Variants in TGFBR1 observed in about 807,000 individuals in gnomAD.
TGFBR1 encodes the protein TGF-beta receptor type-1.
TGFBR1 carries 20 observed loss-of-function variants against 55.1 expected under a neutral mutation model. The observed-to-expected ratio is 0.36, with a 90% CI of 0.26 to 0.53. The LOEUF is 0.53. TGFBR1 is among the 20% of genes least tolerant of loss of function. TGFBR1 has a pLI of 0.91. For missense variants in TGFBR1, 385 were observed against 617.6 expected (o/e 0.62, Z 3.99); for synonymous variants, 220 against 214.8 (o/e 1.02, Z -0.21).
intron 3 of TGFBR1, among the ~76,000 whole-genome samples, chr9:99,134,688 A>C (rs1048655605): frequency 1.5e-4 from 22 of 151,156 alleles, no homozygotes; most frequent in African/African-American, 5.4e-4. Flanking sequence ...GAATAAGCCC[A>C]CCTAACTGAT....
intron 1 of TGFBR1, chr9:99,127,849 T>G (rs1293417347): frequency 4.5e-6 from 2 of 442,856 alleles, no homozygotes; most frequent in Non-Finnish European, 9.1e-6. Flanking sequence ...TATGCACACA[T>G]TCTATCATTG....
chr9:99,114,318 TTAGC>T (rs1302676927), intron 1 of TGFBR1, among the ~76,000 whole-genome samples: 2 of 152,298 alleles, frequency 1.3e-5, no homozygotes, highest in African/African-American at 4.8e-5. Context: ...AACACAATAC[TTAGC>T]TCTGAGTTTT....
intron 1 of TGFBR1, among the ~76,000 whole-genome samples, chr9:99,118,399 G>A (rs1564135779): frequency 6.6e-6 from 1 of 152,112 alleles, no homozygotes; most frequent in East Asian, 1.9e-4. Flanking sequence ...GTGATTTCAA[G>A]GGAAAATGAC....
intron 1 of TGFBR1, among the ~76,000 whole-genome samples, chr9:99,125,605 C>T (rs920411866): frequency 3.3e-5 from 5 of 152,052 alleles, no homozygotes. Context: ...ATTTTTTACT[C>T]TTTCTTTTAC....
chr9:99,139,921 A>G (rs1827558149), intron 4 of TGFBR1, among the ~76,000 whole-genome samples: 1 of 152,140 alleles, frequency 6.6e-6, no homozygotes. Context: ...TTGCATTTCC[A>G]TAGTGTCTCT....
At chr9:99,146,199 A>T (rs1157547622) in intron 6 of TGFBR1, among the ~76,000 whole-genome samples, 2 of 152,170 alleles carry the variant, frequency 1.3e-5, no homozygotes, top group Non-Finnish European at 2.9e-5. Flanking sequence ...TAGGTGGTGT[A>T]CATTAGGACA....
intron 3 of TGFBR1, among the ~76,000 whole-genome samples, chr9:99,133,435 G>A (rs563548269): frequency 3.9e-5 from 6 of 152,168 alleles, no homozygotes; most frequent in Non-Finnish European, 4.4e-5. Flanking sequence ...GCATAGCAGT[G>A]CTTCATGTTT....
At chr9:99,133,172 G>A (rs1827300917) in intron 3 of TGFBR1, among the ~76,000 whole-genome samples, 1 of 152,214 alleles carries the variant, frequency 6.6e-6, no homozygotes, top group South Asian at 2.1e-4. Flanking sequence ...TGACAGAAAT[G>A]TATTCAGAAT....
intron 2 of TGFBR1, among the ~76,000 whole-genome samples, chr9:99,131,599 TAA>T (rs1363582800): frequency 1.3e-5 from 2 of 151,848 alleles, no homozygotes; most frequent in African/African-American, 4.8e-5. Flanking sequence ...TCCAGGAGGT[TAA>T]GATAGTATAA....
rs11466445 is a variant in TGFBR1 at position 99,105,255 on chromosome 9, T to TGGCGGC, written c.73_78dup (p.Ala25_Ala26dup). 166 of 1,043,494 alleles carry TGGCGGC rather than the reference T, an allele frequency of 1.6e-4. No individual in the cohort carries two copies. Among genetic ancestry groups the TGGCGGC allele is most frequent in the South Asian group, 4.9e-4 (11 of 22,672 alleles). 64.6% of individuals were successfully genotyped at this position (1,043,494 alleles called of 1,614,324 possible). A position where few individuals can be genotyped will look rare whatever the true frequency, so the allele number is the denominator to read the frequency against. On this transcript the variant is annotated inframe_insertion, in exon 1 of 9. Transcript: ENST00000374994. Reference sequence around the variant, plus strand: ...CGTCCCCGGCTGCTCCTCCTCGTGCTGGCGGCGGCGGCGGCGGCGGCGGCG... The same window carrying TGGCGGC: ...CGTCCCCGGCTGCTCCTCCTCGTGCTGGCGGCGGCGGCGGCGGCGGCGGCGGCGGCG...
chr9:99,131,285 A>G (rs1284802670), intron 2 of TGFBR1, among the ~76,000 whole-genome samples: 2 of 152,128 alleles, frequency 1.3e-5, no homozygotes, highest in Non-Finnish European at 2.9e-5. Context: ...ATCACCTAAA[A>G]TTCTTGAAAT....
intron 7 of TGFBR1, 124 bp downstream of exon 7, chr9:99,146,733 C>T: frequency 1.4e-6 from 2 of 1,456,880 alleles, no homozygotes; most frequent in Admixed American, 1.7e-5. Context: ...TCACCGAGTG[C>T]CAGAGAAAAC....
rs1011597368 is a variant in TGFBR1 at position 99,151,655 on chromosome 9, G to A, written c.*2350G>A. 1.3e-5 allele frequency: 3 copies of A among 228,128 alleles called. No homozygotes were observed. The highest frequency in any genetic ancestry group is 6.7e-5 in the African/African-American group (3 of 45,052). The allele number at this position is 228,128 out of a possible 1,614,324, so 14.1% of individuals were successfully genotyped here. A position where few individuals can be genotyped will look rare whatever the true frequency, so the allele number is the denominator to read the frequency against. ...CTTTTCTTACCTAAGTGGATAAAAT[G>A]TACTTTTGATGAATCAGGGAATTTT... On this transcript the variant is annotated 3_prime_UTR_variant, in exon 9 of 9. Coordinates refer to ENST00000374994, the MANE Select transcript of TGFBR1 (RefSeq NM_004612.4).
chr9:99,133,082 A>G (rs370150713), intron 3 of TGFBR1, among the ~76,000 whole-genome samples: 8 of 152,372 alleles, frequency 5.3e-5, no homozygotes, highest in South Asian at 2.1e-4. Flanking sequence ...CTGAAGGTCA[A>G]AGATATTCAC....
rs530171542 is a variant in TGFBR1, at chr9:99,150,669, C to T, written c.*1364C>T. 7 of 210,554 alleles carry T rather than the reference C, an allele frequency of 3.3e-5. No individual in the cohort carries two copies. Among genetic ancestry groups the T allele is most frequent in the South Asian group, 1.9e-4 (1 of 5,280 alleles). 13.0% of individuals were successfully genotyped at this position (210,554 alleles called of 1,614,324 possible). ...TTAATTCAGTGTTTCCTTATGTGTG[C>T]GTACATTGCAACTGCTTACATGTAA... On this transcript the variant is annotated 3_prime_UTR_variant, in exon 9 of 9. Coordinates refer to ENST00000374994, the MANE Select transcript of TGFBR1 (RefSeq NM_004612.4).
intron 5 of TGFBR1, among the ~76,000 whole-genome samples, chr9:99,143,807 C>T (rs894909206): frequency 3.9e-5 from 6 of 152,220 alleles, no homozygotes; most frequent in Admixed American, 3.9e-4. Flanking sequence ...AGTCACTCCC[C>T]TTTCCTCCCA....
chr9:99,110,706 A>G (rs898262238), intron 1 of TGFBR1, among the ~76,000 whole-genome samples: 2 of 152,244 alleles, frequency 1.3e-5, no homozygotes, highest in Admixed American at 6.5e-5. Flanking sequence ...TTGTATTACC[A>G]TAAACCCCAT....
rs35118283 is a variant in TGFBR1 at position 99,154,158 on chromosome 9, G to GA, written c.*4860dup. On this transcript the variant is annotated 3_prime_UTR_variant, in exon 9 of 9. Transcript: ENST00000374994. ...GATATGAAGCTTTTGTTGAAAGTTG[G>GA]AAAAAAAGTGAAATTAAAGACATTC... The GA allele has an allele frequency of 4.9e-5, 11 of 223,642 alleles. No individual in the cohort carries two copies. Among genetic ancestry groups the GA allele is most frequent in the Admixed American group, 1.7e-4 (3 of 17,432 alleles). The allele number at this position is 223,642 out of a possible 1,614,324, so 13.9% of individuals were successfully genotyped here.
chr9:99,132,745 A>T lies in TGFBR1; in HGVS notation c.574+6A>T. ...AACGTCAGGTTCTGGCTCAGGTAAC[A>T]TAATTGTTTCTCCTTTTTCCTAAGA... On this transcript the variant is annotated splice_donor_region_variant and intron_variant, in intron 3 of 8. Transcript: ENST00000374994. The T allele has an allele frequency of 6.2e-7, 1 of 1,614,110 alleles. No individual in the cohort carries two copies. Among genetic ancestry groups the T allele is most frequent in the Middle Eastern group, 1.7e-4 (1 of 6,056 alleles).
Sources: allele counts gnomAD v4.1 joint callset (sites outside exome capture counted in the v4.1 genomes callset), GRCh38; gene constraint gnomAD v4.1.1; transcripts MANE v1.5; gene names NCBI Gene and HGNC (gene_info 2026-07-23, HGNC 2026-07-21).